ST6GALNAC3: variants seen among roughly 807,000 people sequenced by gnomAD.
ST6GALNAC3 encodes ST6 N-acetylgalactosaminide alpha-2,6-sialyltransferase 3, also known as alpha-N-acetylgalactosaminide alpha-2,6-sialyltransferase 3.
In ST6GALNAC3, 25 loss-of-function variants were observed where a neutral mutation model predicts 32.7. The ratio of observed to expected loss-of-function variants is 0.76; its 90% CI spans 0.56 to 1.07. The LOEUF (loss-of-function observed/expected upper bound fraction) is 1.07, where lower values mean the gene tolerates loss of function less well. Ranked by LOEUF, ST6GALNAC3 falls within the 50% of genes least tolerant of loss-of-function variation. The pLI is 0.00. For synonymous variants in ST6GALNAC3, 129 were observed against 133.1 expected (o/e 0.97, Z 0.21); for missense variants, 355 against 382.4 (o/e 0.93, Z 0.60).
At chr1:76,269,545 A>T (rs1658720184) in intron 1 of ST6GALNAC3, among the ~76,000 whole-genome samples, 1 of 152,208 alleles carries the variant, frequency 6.6e-6, no homozygotes, top group East Asian at 1.9e-4. Context: ...ATCCTTGGTG[A>T]TTCCCCTAAC....
rs1570341311 is a variant in ST6GALNAC3 at position 76,181,885 on chromosome 1, T to G, written c.18+107001T>G. On this transcript the variant is annotated intron_variant, in intron 1 of 4. Coordinates refer to ENST00000328299, the MANE Select transcript of ST6GALNAC3 (RefSeq NM_152996.4). ...TTCAACAGAAAAAAATGAATGCAAA[T>G]CAGGAACCAGCTGGAGGCAGATTTG... 1.3e-5 allele frequency among the ~76,000 whole-genome samples: 2 copies of G among 152,220 alleles called. 1 individual carries two copies. The highest frequency in any genetic ancestry group is 4.8e-5 in the African/African-American group (2 of 41,548).
chr1:76,179,599 T>C (rs1345057069), intron 1 of ST6GALNAC3, among the ~76,000 whole-genome samples: 1 of 152,220 alleles, frequency 6.6e-6, no homozygotes, highest in East Asian at 1.9e-4. Context: ...TCAGAACTCC[T>C]GTCTCTTAGA....
intron 1 of ST6GALNAC3, among the ~76,000 whole-genome samples, chr1:76,190,580 T>C (rs1177648975): frequency 6.6e-6 from 1 of 152,242 alleles, no homozygotes; most frequent in Non-Finnish European, 1.5e-5. Flanking sequence ...GGTTCTTGCC[T>C]GTGGCTCACA....
intron 2 of ST6GALNAC3, among the ~76,000 whole-genome samples, chr1:76,396,632 C>A (rs1180205542): frequency 6.6e-6 from 1 of 152,110 alleles, no homozygotes; most frequent in African/African-American, 2.4e-5. Flanking sequence ...CTAATAAAAG[C>A]CAATTAGGTC....
chr1:76,094,090 G>A (rs530310327), intron 1 of ST6GALNAC3, among the ~76,000 whole-genome samples: 47 of 152,292 alleles, frequency 3.1e-4, no homozygotes, highest in African/African-American at 2.9e-4. Flanking sequence ...GGCAACTGAC[G>A]TTCTGACAGA....
At chr1:76,561,412 A>G (rs1665235330) in intron 3 of ST6GALNAC3, among the ~76,000 whole-genome samples, 1 of 152,196 alleles carries the variant, frequency 6.6e-6, no homozygotes, top group Non-Finnish European at 1.5e-5. Context: ...AAGGACTCAC[A>G]TCTAGAATAT....
chr1:76,233,841 A>G (rs888044533), intron 1 of ST6GALNAC3, among the ~76,000 whole-genome samples: 16 of 152,298 alleles, frequency 1.1e-4, no homozygotes, highest in Non-Finnish European at 2.1e-4. Context: ...AACAACAACC[A>G]TATACTTTTT....
chr1:76,614,582 G>C (rs1357134576), intron 3 of ST6GALNAC3, among the ~76,000 whole-genome samples: 1 of 151,938 alleles, frequency 6.6e-6, no homozygotes, highest in African/African-American at 2.4e-5. Flanking sequence ...AGCCGGGCGT[G>C]GTGGCGGGCG....
At chr1:76,277,635 C>T (rs11162109) in intron 1 of ST6GALNAC3, among the ~76,000 whole-genome samples, 24,317 of 142,022 alleles carry the variant, frequency 0.17, 3,866 homozygotes, top group African/African-American at 0.41. Flanking sequence ...CACACACACA[C>T]ATTTCTACAT....
At chr1:76,542,155 G>A (rs548846520) in intron 3 of ST6GALNAC3, among the ~76,000 whole-genome samples, 1 of 152,254 alleles carries the variant, frequency 6.6e-6, no homozygotes, top group African/African-American at 2.4e-5. Context: ...TGTCATATCT[G>A]GATACTTTAA....
chr1:76,320,598 G>C (rs1646947379), intron 2 of ST6GALNAC3, among the ~76,000 whole-genome samples: 1 of 152,036 alleles, frequency 6.6e-6, no homozygotes, highest in African/African-American at 2.4e-5. Context: ...ACATGTACAG[G>C]TAATACATAG....
chr1:76,494,649 G>GCACA (rs35632611), intron 3 of ST6GALNAC3, among the ~76,000 whole-genome samples: 2,470 of 67,704 alleles, frequency 0.036, 355 homozygotes, highest in African/African-American at 0.094. Context: ...ATGTGTATGC[G>GCACA]CACACACACA....
In ST6GALNAC3 at chr1:76,423,538, C is replaced by T. The variant is rs1571184792; in HGVS notation, c.623+11121C>T. 2.6e-5 allele frequency among the ~76,000 whole-genome samples: 4 copies of T among 152,030 alleles called. No homozygotes were observed. In the South Asian group the frequency reaches 8.3e-4, roughly 32 times the overall value. ...GGCAAAATGGATAGGCAACCCTTTA[C>T]AGAAACATGGAAACCATGCAGAGCA... On this transcript the variant is annotated intron_variant, in intron 3 of 4. Coordinates refer to ENST00000328299, the MANE Select transcript of ST6GALNAC3 (RefSeq NM_152996.4).
chr1:76,178,237 A>G (rs1053906560), intron 1 of ST6GALNAC3, among the ~76,000 whole-genome samples: 11 of 152,364 alleles, frequency 7.2e-5, no homozygotes, highest in South Asian at 2.1e-4. Flanking sequence ...CTTCCCCACC[A>G]GGGTAAGCCA....
intron 1 of ST6GALNAC3, among the ~76,000 whole-genome samples, chr1:76,140,625 CTTTCTT>C (rs1052384566): frequency 2.1e-5 from 2 of 97,344 alleles, no homozygotes; most frequent in African/African-American, 3.4e-5. Context: ...TCTTTTCTTT[CTTTCTT>C]TTTTTTTTTT....
chr1:76,440,266 G>A (rs1656476956), intron 3 of ST6GALNAC3, among the ~76,000 whole-genome samples: 1 of 152,188 alleles, frequency 6.6e-6, no homozygotes, highest in Non-Finnish European at 1.5e-5. Flanking sequence ...AATAGACTTA[G>A]GTGCCAGATC....
chr1:76,114,552 A>G (rs1648324557), intron 1 of ST6GALNAC3, among the ~76,000 whole-genome samples: 1 of 152,198 alleles, frequency 6.6e-6, no homozygotes, highest in African/African-American at 2.4e-5. Flanking sequence ...TTAGGTACTC[A>G]GTATTACTTT....
intron 3 of ST6GALNAC3, among the ~76,000 whole-genome samples, chr1:76,588,904 A>G (rs1195801171): frequency 6.6e-6 from 1 of 152,094 alleles, no homozygotes; most frequent in South Asian, 2.1e-4. Context: ...GTTCTTATAT[A>G]TCTTTGAATT....
chr1:76,260,565 G>T (rs925624471), intron 1 of ST6GALNAC3, among the ~76,000 whole-genome samples: 1 of 152,176 alleles, frequency 6.6e-6, no homozygotes, highest in Non-Finnish European at 1.5e-5. Context: ...TAAGGGATAA[G>T]TGACTTCCCC....
Sources: allele counts gnomAD v4.1 joint callset (sites outside exome capture counted in the v4.1 genomes callset), GRCh38; gene constraint gnomAD v4.1.1; transcripts MANE v1.5; gene names NCBI Gene and HGNC (gene_info 2026-07-23, HGNC 2026-07-21).